DTNBP1: variants seen among roughly 807,000 people sequenced by gnomAD.
The protein encoded by DTNBP1 is dysbindin.
A neutral mutation model predicts 42.8 loss-of-function variants in DTNBP1; 35 were observed. The observed-to-expected ratio is 0.82, with a 90% CI of 0.63 to 1.09. The LOEUF is 1.09. DTNBP1 is among the 50% of genes least tolerant of loss of function. The pLI, the probability that DTNBP1 is intolerant of heterozygous loss-of-function variation, is 0.00. For synonymous variants in DTNBP1, 171 were observed against 162.2 expected, an observed-to-expected ratio of 1.05 and a Z score of -0.41; for missense variants, 457 against 424.2, an observed-to-expected ratio of 1.08 and a Z score of -0.68.
intron 6 of DTNBP1, among the ~76,000 whole-genome samples, chr6:15,605,794 G>A (rs1337161773): frequency 6.6e-6 from 1 of 152,144 alleles, no homozygotes; most frequent in African/African-American, 2.4e-5. Context: ...AGACTCGTAT[G>A]GCTGTAGCAC....
intron 7 of DTNBP1, among the ~76,000 whole-genome samples, chr6:15,536,292 A>G (rs1472314770): frequency 1.3e-5 from 2 of 152,258 alleles, no homozygotes; most frequent in African/African-American, 4.8e-5. Flanking sequence ...TCTCCTGGGC[A>G]TGTCAGAGAT....
chr6:15,597,775 A>G (rs1454934979), intron 6 of DTNBP1, among the ~76,000 whole-genome samples: 1 of 152,232 alleles, frequency 6.6e-6, no homozygotes, highest in Non-Finnish European at 1.5e-5. Context: ...GCAAATCATG[A>G]TTACCAAGTA....
chr6:15,611,075 C>A (rs1434481629), intron 6 of DTNBP1, among the ~76,000 whole-genome samples: 2 of 152,204 alleles, frequency 1.3e-5, no homozygotes, highest in Non-Finnish European at 2.9e-5. Flanking sequence ...GAAGTCCATG[C>A]CTGGCTTCAA....
chr6:15,590,749 T>C (rs1387963354), intron 7 of DTNBP1, among the ~76,000 whole-genome samples: 4 of 152,160 alleles, frequency 2.6e-5, no homozygotes, highest in South Asian at 2.1e-4. Flanking sequence ...CTTGTAGAGA[T>C]TGGCCATATG....
At chr6:15,644,449 G>T (rs901400450) in intron 3 of DTNBP1, among the ~76,000 whole-genome samples, 2 of 152,030 alleles carry the variant, frequency 1.3e-5, no homozygotes, top group South Asian at 4.1e-4. Flanking sequence ...ACATCTACAG[G>T]ATACTCCACC....
chr6:15,531,529 C>T (rs1457015424), intron 8 of DTNBP1, among the ~76,000 whole-genome samples: 3 of 152,248 alleles, frequency 2.0e-5, no homozygotes, highest in Non-Finnish European at 2.9e-5. Context: ...ATCATCCACA[C>T]AACTAACTGA....
At chr6:15,570,471 G>A (rs1775294486) in intron 7 of DTNBP1, among the ~76,000 whole-genome samples, 1 of 152,188 alleles carries the variant, frequency 6.6e-6, no homozygotes, top group South Asian at 2.1e-4. Flanking sequence ...TCACCTGAAC[G>A]AACCCATCAG....
chr6:15,659,716 C>G (rs1243283467), intron 1 of DTNBP1, among the ~76,000 whole-genome samples: 2 of 151,956 alleles, frequency 1.3e-5, no homozygotes, highest in Non-Finnish European at 2.9e-5. Flanking sequence ...CCATGGCCAG[C>G]TAATTTTTGT....
chr6:15,588,994 C>G (rs748145332), intron 7 of DTNBP1, among the ~76,000 whole-genome samples: 1 of 152,186 alleles, frequency 6.6e-6, no homozygotes, highest in Non-Finnish European at 1.5e-5. Flanking sequence ...CTTTAGCTCC[C>G]TGAGGACAGA....
At chr6:15,599,621 C>G (rs1776646339) in intron 6 of DTNBP1, among the ~76,000 whole-genome samples, 1 of 152,178 alleles carries the variant, frequency 6.6e-6, no homozygotes, top group Admixed American at 6.5e-5. Context: ...TTTTAGGAAA[C>G]TAATAAAAAC....
rs1772234837 is a variant in DTNBP1 at position 15,524,653 on chromosome 6, C to T, written c.684G>A (p.Met228Ile). 6.2e-7 allele frequency: 1 copy of T among 1,613,460 alleles called. No individual in the cohort carries two copies. The highest frequency in any genetic ancestry group is 8.5e-7 in the Non-Finnish European group (1 of 1,180,020). The change falls in exon 9 of 10, where the codon ATG becomes ATA. Residue 228 changes from methionine to isoleucine, a missense_variant. By Grantham distance (10) the Met-to-Ile change is conservative. Transcript: ENST00000344537. The stretch of plus-strand genomic sequence containing the variant: ...TGTCCACGTTCACTTCCATGGATGA[C>T]ATGCTGCCTATGGGCTCTGCGGATA... ...IAERREPIGS[M>I]SSMEVNVDML...
chr6:15,662,435 G>A (rs1761699600), intron 1 of DTNBP1, among the ~76,000 whole-genome samples: 1 of 152,214 alleles, frequency 6.6e-6, no homozygotes, highest in African/African-American at 2.4e-5. Context: ...TGGGCCGAGG[G>A]GCGCAGGCCA....
intron 7 of DTNBP1, among the ~76,000 whole-genome samples, chr6:15,540,880 G>A (rs940937528): frequency 5.9e-5 from 9 of 152,204 alleles, no homozygotes; most frequent in Admixed American, 3.9e-4. Flanking sequence ...CTGACCTCGT[G>A]ATCCGCCTGC....
intron 1 of DTNBP1, chr6:15,660,312 T>C: frequency 7.9e-7 from 1 of 1,267,974 alleles, no homozygotes; most frequent in Non-Finnish European, 1.0e-6. Context: ...ATCAGTTATG[T>C]AAAGGAGGTT....
At chr6:15,611,635 G>T (rs1026766613) in intron 6 of DTNBP1, among the ~76,000 whole-genome samples, 2 of 152,224 alleles carry the variant, frequency 1.3e-5, no homozygotes, top group African/African-American at 4.8e-5. Context: ...ATTAATGTGA[G>T]GAGGTCAAAA....
chr6:15,596,206 A>C lies in DTNBP1; in HGVS notation c.489-3125T>G, dbSNP rs1461044486. Among the ~76,000 whole-genome samples the C allele has an allele frequency of 5.9e-5, 9 of 152,314 alleles. No individual in the cohort carries two copies. The East Asian group carries it at 1.7e-3, about 29-fold the overall frequency. Reference sequence around the variant, plus strand: ...GGAGAGGAAGGAGACAAGCATGCTAACCGGGGCAGTTCTAGTCTGGATCAT... The same window carrying C: ...GGAGAGGAAGGAGACAAGCATGCTACCCGGGGCAGTTCTAGTCTGGATCAT... On this transcript the variant is annotated intron_variant, in intron 6 of 9. Transcript: ENST00000344537.
chr6:15,565,640 C>CTA (rs1388101005), intron 7 of DTNBP1, among the ~76,000 whole-genome samples: 1 of 152,130 alleles, frequency 6.6e-6, no homozygotes, highest in East Asian at 1.9e-4. Flanking sequence ...AAAGGCAAAT[C>CTA]TATAGAGACA....
chr6:15,556,746 A>G (rs1432402662), intron 7 of DTNBP1, among the ~76,000 whole-genome samples: 2 of 151,722 alleles, frequency 1.3e-5, no homozygotes, highest in African/African-American at 4.8e-5. Flanking sequence ...AGGCAATGCT[A>G]TTTTCCCTTC....
intron 6 of DTNBP1, among the ~76,000 whole-genome samples, chr6:15,601,898 C>T (rs891929397): frequency 6.8e-6 from 1 of 147,168 alleles, no homozygotes; most frequent in Non-Finnish European, 1.5e-5. Flanking sequence ...CAGAACATAA[C>T]ATGAAACTTC....
Sources: gnomAD v4.1 joint callset for allele counts (sites outside exome capture counted in the v4.1 genomes callset) on GRCh38, gnomAD v4.1.1 for gene constraint, MANE v1.5 for transcripts, NCBI Gene and HGNC (gene_info 2026-07-23, HGNC 2026-07-21) for gene names.